SSBP2: variants seen among roughly 807,000 people sequenced by gnomAD.
SSBP2 encodes the protein single stranded DNA binding protein 2, also known as single-stranded DNA-binding protein 2.
SSBP2 carries 17 observed loss-of-function variants against 61.8 expected under a neutral mutation model. The ratio of observed to expected loss-of-function variants is 0.28; its 90% CI spans 0.19 to 0.41. The LOEUF (loss-of-function observed/expected upper bound fraction) is 0.41, where lower values mean the gene tolerates loss of function less well. Ranked by LOEUF, SSBP2 falls within the 10% of genes least tolerant of loss-of-function variation. The pLI, the probability that SSBP2 is intolerant of heterozygous loss-of-function variation, is 1.00. For synonymous variants in SSBP2, 139 were observed against 141.3 expected, an observed-to-expected ratio of 0.98 and a Z score of 0.12; for missense variants, 310 against 458.7, an observed-to-expected ratio of 0.68 and a Z score of 2.96.
chr5:81,497,734 T>A (rs1767397481), intron 5 of SSBP2, among the ~76,000 whole-genome samples: 1 of 152,140 alleles, frequency 6.6e-6, no homozygotes, highest in African/African-American at 2.4e-5. Flanking sequence ...GAACTTATAA[T>A]TTAGATGACT....
chr5:81,623,359 G>A (rs1457557957), intron 3 of SSBP2, among the ~76,000 whole-genome samples: 40 of 119,434 alleles, frequency 3.3e-4, no homozygotes, highest in Admixed American at 3.2e-3. Context: ...TTTTTGAGAC[G>A]GAGTCTCGCT....
In SSBP2 at chr5:81,744,623, C is replaced by A. The variant is rs1350361816; in HGVS notation, c.62+6358G>T. 2.6e-4 allele frequency among the ~76,000 whole-genome samples: 39 copies of A among 147,456 alleles called. No individual in the cohort carries two copies. In the East Asian group the frequency reaches 6.8e-3, roughly 26 times the overall value. On this transcript the variant is annotated intron_variant, in intron 1 of 16. Coordinates refer to ENST00000320672, the MANE Select transcript of SSBP2 (RefSeq NM_012446.5). ...ATATTTAAAACTAGAAAAAAAAAAA[C>A]AAAGGGCTATATTTTAGCCTCTACA...
At chr5:81,671,106 T>C (rs763018040) in intron 1 of SSBP2, among the ~76,000 whole-genome samples, 1 of 152,130 alleles carries the variant, frequency 6.6e-6, no homozygotes, top group African/African-American at 2.4e-5. Context: ...TCCACAACTC[T>C]AATACCACTG....
At chr5:81,744,720 ATAGGAGATTG>A (rs1757242575) in intron 1 of SSBP2, among the ~76,000 whole-genome samples, 1 of 152,168 alleles carries the variant, frequency 6.6e-6, no homozygotes, top group Non-Finnish European at 1.5e-5. Context: ...AAGATCAAAA[ATAGGAGATTG>A]CCAGGTCATT....
chr5:81,664,554 T>C (rs187923401), intron 1 of SSBP2, among the ~76,000 whole-genome samples: 2 of 152,310 alleles, frequency 1.3e-5, no homozygotes, highest in East Asian at 3.9e-4. Flanking sequence ...GTTTCTTCTA[T>C]TCAAGGCATT....
At position 81,613,292 on chromosome 5, in the gene SSBP2, A is replaced by G. The variant is rs1745636923; in HGVS notation, c.282+2181T>C. On this transcript the variant is annotated intron_variant, in intron 4 of 16. Transcript: ENST00000320672. ...TTTTTTTTCTAAACTATATTTTCCA[A>G]GGACCAAATTACACAGTAAGGGGTT... 2.6e-5 allele frequency among the ~76,000 whole-genome samples: 4 copies of G among 152,294 alleles called. No homozygotes were observed. In the South Asian group the frequency reaches 8.3e-4, roughly 32 times the overall value.
At chr5:81,515,668 T>C (rs1317469196) in intron 4 of SSBP2, among the ~76,000 whole-genome samples, 6 of 150,032 alleles carry the variant, frequency 4.0e-5, no homozygotes, top group Non-Finnish European at 8.9e-5. Context: ...AGTTAAATAT[T>C]TGACTAATTG....
chr5:81,424,322 G>T (rs1287452674), intron 16 of SSBP2, among the ~76,000 whole-genome samples: 1 of 152,116 alleles, frequency 6.6e-6, no homozygotes, highest in Non-Finnish European at 1.5e-5. Flanking sequence ...TACTCAGGAG[G>T]CTGAGTTGGG....
intron 4 of SSBP2, 103 bp downstream of exon 4, chr5:81,615,370 T>A: frequency 1.2e-6 from 1 of 865,092 alleles, no homozygotes; most frequent in South Asian, 1.4e-5. Context: ...AACAATTTCT[T>A]AAGTACCAAA....
intron 13 of SSBP2, among the ~76,000 whole-genome samples, 169 bp from the exon 14 acceptor site, chr5:81,440,805 T>C (rs941355490): frequency 2.6e-5 from 4 of 152,232 alleles, no homozygotes; most frequent in African/African-American, 7.2e-5. Flanking sequence ...CTAACTGGAC[T>C]GTTCACCTCT....
intron 14 of SSBP2, chr5:81,437,693 G>A: frequency 3.2e-6 from 1 of 308,854 alleles, no homozygotes; most frequent in Non-Finnish European, 6.0e-6. Flanking sequence ...TTTTATGGAA[G>A]CATGAAGAAA....
Position 81,446,863 on chromosome 5 carries a change from A to C in SSBP2, c.778+5T>G. On this transcript the variant is annotated splice_donor_5th_base_variant and intron_variant, in intron 12 of 16. Transcript: ENST00000320672. ...ATGCCCATGTGGCTAGTTTGATTAC[A>C]ATACCTGCTGGACTAGGCATGATGG... is the stretch of plus-strand genomic sequence containing the variant. 1 of 1,607,244 alleles carries C rather than the reference A, an allele frequency of 6.2e-7. No homozygotes were observed.
intron 1 of SSBP2, among the ~76,000 whole-genome samples, chr5:81,723,950 A>G (rs1208521939): frequency 6.6e-6 from 1 of 151,954 alleles, no homozygotes; most frequent in African/African-American, 2.4e-5. Flanking sequence ...CTGAGGTGCC[A>G]CTTGCGCTAC....
intron 9 of SSBP2, among the ~76,000 whole-genome samples, chr5:81,465,149 A>G (rs1176124290): frequency 2.6e-5 from 4 of 151,986 alleles, no homozygotes; most frequent in Admixed American, 1.3e-4. Flanking sequence ...ATGGTATAGG[A>G]TCTTACATAA....
chr5:81,550,863 G>A (rs1448022620), intron 4 of SSBP2, among the ~76,000 whole-genome samples: 2 of 152,156 alleles, frequency 1.3e-5, no homozygotes, highest in Non-Finnish European at 2.9e-5. Context: ...TCGGGAGGCC[G>A]AGGCAGGTGG....
chr5:81,660,334 C>T (rs747840483), intron 1 of SSBP2, among the ~76,000 whole-genome samples: 31 of 152,086 alleles, frequency 2.0e-4, no homozygotes, highest in Non-Finnish European at 4.3e-4. Flanking sequence ...AAACGAACAA[C>T]CCCATCAAAA....
intron 1 of SSBP2, among the ~76,000 whole-genome samples, chr5:81,681,095 A>G (rs1400640966): frequency 2.0e-5 from 3 of 152,222 alleles, no homozygotes; most frequent in Non-Finnish European, 1.5e-5. Flanking sequence ...AAAGAATTAA[A>G]CTAGAAATCA....
chr5:81,714,970 T>C (rs980795456), intron 1 of SSBP2, among the ~76,000 whole-genome samples: 8 of 152,060 alleles, frequency 5.3e-5, no homozygotes, highest in Non-Finnish European at 1.0e-4. Flanking sequence ...AAGAGAATTG[T>C]TTTAATCTGT....
rs1770811404 is a variant in SSBP2, at chr5:81,536,443, T to C, written c.283-22726A>G. ...GGTATTAAGCCTAGTACCTCTTAGT[T>C]ATTTTTCCTGATCCCCTTTCTCCTC... On this transcript the variant is annotated intron_variant, in intron 4 of 16. Transcript: ENST00000320672. 2.0e-5 allele frequency among the ~76,000 whole-genome samples: 3 copies of C among 152,088 alleles called. No individual in the cohort carries two copies. The South Asian group carries it at 6.2e-4, about 32-fold the overall frequency.
Sources: gnomAD v4.1 joint callset for allele counts (sites outside exome capture counted in the v4.1 genomes callset) on GRCh38, gnomAD v4.1.1 for gene constraint, MANE v1.5 for transcripts, NCBI Gene and HGNC (gene_info 2026-07-23, HGNC 2026-07-21) for gene names.